Variants in ETV7 observed in about 807,000 individuals in gnomAD.
ETV7 encodes the protein ETS variant transcription factor 7.
In ETV7, 43 loss-of-function variants were observed where a neutral mutation model predicts 39.1. The observed-to-expected ratio is 1.10, with a 90% CI of 0.86 to 1.42. The LOEUF (loss-of-function observed/expected upper bound fraction) is 1.42. Ranked by LOEUF, ETV7 falls within the 40% of genes most tolerant of loss-of-function variation. The pLI is 0.00. For synonymous variants in ETV7, 196 were observed against 176.6 expected, an observed-to-expected ratio of 1.11 and a Z score of -0.87; for missense variants, 432 against 442.3, an observed-to-expected ratio of 0.98 and a Z score of 0.21.
At chr6:36,360,452 T>TGCCC (rs1351536857) in intron 7 of ETV7, among the ~76,000 whole-genome samples, 1 of 152,078 alleles carries the variant, frequency 6.6e-6, no homozygotes, top group Non-Finnish European at 1.5e-5. Flanking sequence ...TGGCTTATGG[T>TGCCC]GCCCCTCAAT....
intron 2 of ETV7, among the ~76,000 whole-genome samples, chr6:36,381,011 C>T (rs560243789): frequency 9.2e-5 from 14 of 152,234 alleles, no homozygotes; most frequent in African/African-American, 3.1e-4. Context: ...CAAAGTGCCC[C>T]TCCCCACCTG....
chr6:36,356,070 A>C (rs964106415), intron 7 of ETV7, among the ~76,000 whole-genome samples: 1 of 152,246 alleles, frequency 6.6e-6, no homozygotes, highest in African/African-American at 2.4e-5. Context: ...TCAAACCAAC[A>C]TAAGTGAAAA....
rs151001600 is a variant in ETV7 at position 36,377,098 on chromosome 6, G to A, written c.143-1063C>T. Among the ~76,000 whole-genome samples, 1,099 of 152,264 alleles carry A rather than the reference G, an allele frequency of 7.2e-3. 13 individuals are homozygous for A. Among genetic ancestry groups the A allele is most frequent in the Middle Eastern group, 0.041 (12 of 294 alleles). On this transcript the variant is annotated intron_variant, in intron 2 of 7. Transcript: ENST00000340181. ...TGCTACGCTCCTAATGCCAAGTTTT[G>A]GATAGTGTTCAGCAGGGCTACGTTA...
chr6:36,381,460 G>A (rs942385975), intron 2 of ETV7, among the ~76,000 whole-genome samples: 12 of 152,106 alleles, frequency 7.9e-5, no homozygotes, highest in African/African-American at 2.4e-4. Flanking sequence ...ACAATACCTC[G>A]TCAAGAATAA....
At chr6:36,384,750 G>T (rs1230697236) in intron 2 of ETV7, among the ~76,000 whole-genome samples, 3 of 152,074 alleles carry the variant, frequency 2.0e-5, no homozygotes, top group African/African-American at 4.8e-5. Context: ...TTAGCCAGGT[G>T]TGGTGGCACA....
chr6:36,354,681 T>A lies in ETV7; in HGVS notation c.915A>T (p.Gly305=), dbSNP rs1448986632. The A allele has an allele frequency of 8.6e-6, 6 of 698,228 alleles. No homozygotes were observed. In the Admixed American group the frequency reaches 1.0e-4, roughly 12 times the overall value. 43.3% of individuals were successfully genotyped at this position (698,228 alleles called of 1,614,324 possible). The change falls in exon 8 of 8, where the codon GGA becomes GGT. Residue 305 remains glycine (G), a synonymous_variant. Transcript: ENST00000339796. Reference sequence around the variant, plus strand: ...ATATGAATATGAAGATCAGCTGAAGTCCATTTCTGCAATAAAAAAAAAAAG... The same window carrying A: ...ATATGAATATGAAGATCAGCTGAAGACCATTTCTGCAATAAAAAAAAAAAG...
chr6:36,357,543 G>A (rs1272795961), intron 7 of ETV7, among the ~76,000 whole-genome samples: 2 of 152,098 alleles, frequency 1.3e-5, no homozygotes, highest in African/African-American at 4.8e-5. Context: ...CCTGAGTTCT[G>A]ACAACAAATA....
chr6:36,361,048 T>C (rs1468304987), intron 7 of ETV7, among the ~76,000 whole-genome samples: 2 of 152,144 alleles, frequency 1.3e-5, no homozygotes, highest in African/African-American at 4.8e-5. Flanking sequence ...TTCCCCTTTG[T>C]TTACTCACCA....
At chr6:36,382,249 A>C (rs1355675540) in intron 2 of ETV7, among the ~76,000 whole-genome samples, 1 of 152,218 alleles carries the variant, frequency 6.6e-6, no homozygotes, top group African/African-American at 2.4e-5. Context: ...CACGAATCTC[A>C]GCTACCTTTA....
At chr6:36,369,577 G>A (rs1429773352) in intron 5 of ETV7, among the ~76,000 whole-genome samples, 1 of 152,228 alleles carries the variant, frequency 6.6e-6, no homozygotes, top group African/African-American at 2.4e-5. Flanking sequence ...GAGGGCAAGT[G>A]GGCATCCGGG....
chr6:36,383,327 C>T (rs1334238143), intron 2 of ETV7, among the ~76,000 whole-genome samples: 3 of 152,180 alleles, frequency 2.0e-5, no homozygotes, highest in African/African-American at 4.8e-5. Flanking sequence ...TGACCCTTGC[C>T]ACAACCCTGG....
Position 36,373,516 on chromosome 6 carries a change from G to A in ETV7, c.370C>T (p.Pro124Ser). Residue 124 changes from proline to serine, a missense_variant, in exon 4 of 8, where the codon CCC becomes TCC. Physicochemically the swap from Pro to Ser is moderately conservative, Grantham distance 74 (BLOSUM62 -1). Coordinates refer to ENST00000340181, the MANE Select transcript of ETV7 (RefSeq NM_016135.4). ...KTQRRALVCG[P>S]FFGGIFRLKT... The stretch of plus-strand genomic sequence containing the variant: ...AGCCTGAAGATCCCTCCAAAAAAGG[G>A]CCCACACACCAGGGCTCGCCGCTGG... 1.5e-6 allele frequency: 2 copies of A among 1,365,718 alleles called. No homozygotes were observed. The highest frequency in any genetic ancestry group is 1.9e-6 in the Non-Finnish European group (2 of 1,027,718). 84.6% of individuals were successfully genotyped at this position (1,365,718 alleles called of 1,614,324 possible).
intron 7 of ETV7, among the ~76,000 whole-genome samples, chr6:36,360,949 G>A (rs1256070515): frequency 3.3e-5 from 5 of 152,142 alleles, no homozygotes; most frequent in African/African-American, 1.2e-4. Flanking sequence ...CACTTCTCAC[G>A]TCATCTCTCC....
intron 2 of ETV7, among the ~76,000 whole-genome samples, chr6:36,376,503 C>T (rs748048469): frequency 2.8e-4 from 43 of 152,270 alleles, no homozygotes; most frequent in Middle Eastern, 3.4e-3. Flanking sequence ...ACTGGCCAGG[C>T]GCGGTGGCTC....
At chr6:36,376,508 T>G (rs1156236971) in intron 2 of ETV7, among the ~76,000 whole-genome samples, 1 of 152,250 alleles carries the variant, frequency 6.6e-6, no homozygotes, top group South Asian at 2.1e-4. Flanking sequence ...CCAGGCGCGG[T>G]GGCTCATGCC....
chr6:36,373,679 T>A, intron 3 of ETV7, 101 bp from the exon 4 acceptor site: 1 of 1,359,824 alleles, frequency 7.4e-7, no homozygotes, highest in Admixed American at 3.5e-5. Context: ...AGGGCTGGCA[T>A]GTCTTGTCAC....
chr6:36,382,144 C>T (rs1173811866), intron 2 of ETV7, among the ~76,000 whole-genome samples: 1 of 152,152 alleles, frequency 6.6e-6, no homozygotes, highest in Non-Finnish European at 1.5e-5. Context: ...TGATCTAGGG[C>T]AGCATTTCTC....
At position 36,375,853 on chromosome 6, in the gene ETV7, C is replaced by T. The variant is rs767729220; in HGVS notation, c.307+18G>A. 11 of 1,613,822 alleles carry T rather than the reference C, an allele frequency of 6.8e-6. No homozygotes were observed. The highest frequency in any genetic ancestry group is 8.5e-6 in the Non-Finnish European group (10 of 1,180,034). On this transcript the variant is annotated intron_variant, in intron 3 of 7. Transcript: ENST00000340181. ...ACCAGGGTTCCCGCTTAGAGGAAAG[C>T]CTGTGCGTTTCCCTGACCTGAGCTG...
intron 4 of ETV7, among the ~76,000 whole-genome samples, chr6:36,371,885 G>A (rs937114708): frequency 4.6e-5 from 7 of 152,224 alleles, no homozygotes; most frequent in African/African-American, 1.7e-4. Flanking sequence ...TTTGCCCAAC[G>A]AGTATTTATT....
Sources: gnomAD v4.1 joint callset for allele counts (sites outside exome capture counted in the v4.1 genomes callset) on GRCh38, gnomAD v4.1.1 for gene constraint, MANE v1.5 for transcripts, NCBI Gene and HGNC (gene_info 2026-07-23, HGNC 2026-07-21) for gene names.